The following FCRL4 variants were observed in gnomAD, a reference collection of about 807,000 sequenced individuals.
The protein encoded by FCRL4 is Fc receptor like 4, also known as Fc receptor-like protein 4.
FCRL4 carries 43 observed loss-of-function variants against 64.1 expected under a neutral mutation model. The ratio of observed to expected loss-of-function variants is 0.67; its 90% CI spans 0.53 to 0.87. The LOEUF (loss-of-function observed/expected upper bound fraction) is 0.87. Among genes scored for constraint, FCRL4 ranks in the 40% least tolerant of loss-of-function variants. The pLI, the probability that FCRL4 is intolerant of heterozygous loss-of-function variation, is 0.00. For missense variants in FCRL4, 656 were observed against 613.5 expected (o/e 1.07, Z -0.73); for synonymous variants, 253 against 239.8 (o/e 1.05, Z -0.51).
At chr1:157,585,228 CTCTTTCCTTTCTTTCCTTTCCTT>C (rs1182636147) in intron 6 of FCRL4, among the ~76,000 whole-genome samples, 2 of 140,666 alleles carry the variant, frequency 1.4e-5, no homozygotes, top group African/African-American at 5.0e-5. Flanking sequence ...CCTTTCTTTC[CTCTTTCCTTTCTTTCCTTTCCTT>C]TCTTTCCTTT....
Position 157,589,228 on chromosome 1 carries a change from G to T in FCRL4, c.283C>A (p.Pro95Thr), listed in dbSNP as rs539930670. The part of the protein sequence containing the change: ...CQARGSPRSN[P>T]VRLLFSSDSL... ...CCTGAAGAAAAGAGCAAGCGCACAG[G>T]GTTACTTCGTGGGGAGCCCCGGGCC... The change falls in exon 3 of 12, where the codon CCT becomes ACT. Residue 95 changes from proline (P) to threonine (T), a missense_variant. By Grantham distance (38) the Pro-to-Thr change is conservative. Coordinates refer to ENST00000271532, the MANE Select transcript of FCRL4 (RefSeq NM_031282.3). 49 of 1,613,964 alleles carry T rather than the reference G, an allele frequency of 3.0e-5. No individual in the cohort carries two copies. The highest frequency in any genetic ancestry group is 8.5e-6 in the Non-Finnish European group (10 of 1,180,002).
intron 6 of FCRL4, among the ~76,000 whole-genome samples, chr1:157,583,204 C>T: frequency 1.3e-5 from 2 of 152,176 alleles, no homozygotes; most frequent in East Asian, 3.9e-4. Flanking sequence ...GTGCTTTGAA[C>T]AGTGCCTGCC....
In FCRL4 at chr1:157,596,309, A is replaced by C; in HGVS notation, c.52+19T>G. The C allele has an allele frequency of 6.2e-7, 1 of 1,613,296 alleles. No homozygotes were observed. ...AGGGTATCTAGAGACATAAAGGAGC[A>C]AAGAAAATAAGGACTTACCAGATTG... On this transcript the variant is annotated intron_variant, in intron 2 of 11. Transcript: ENST00000271532.
Position 157,587,373 on chromosome 1 carries a change from G to T in FCRL4, c.750C>A (p.Thr250=), listed in dbSNP as rs775384031. 5.0e-6 allele frequency: 8 copies of T among 1,614,194 alleles called. No individual in the cohort carries two copies. In the Admixed American group the frequency reaches 5.0e-5, roughly 10 times the overall value. ...WSTYPELQLP[T]VWRENSGSYW... ...AGGATCCTGAGTTTTCTCTCCAGAC[G>T]GTTGGGAGCTGGAGTTCCGGGTACG... The change falls in exon 5 of 12, where the codon ACC becomes ACA. Residue 250 remains threonine, a synonymous_variant. Coordinates refer to ENST00000271532, the MANE Select transcript of FCRL4 (RefSeq NM_031282.3).
In FCRL4 at chr1:157,588,016, A is replaced by G. The variant is rs1366532326; in HGVS notation, c.411T>C (p.Thr137=). ...AAATGGAAAGAATGTTTCCATTCCA[A>G]GTATATTTCACAGCAGTCAATTTCT... The part of the protein sequence containing the change: ...RKEKLTAVKY[T]WNGNILSISN... Residue 137 remains threonine, a synonymous_variant, in exon 4 of 12, where the codon ACT becomes ACC. Coordinates refer to ENST00000271532, the MANE Select transcript of FCRL4 (RefSeq NM_031282.3). 1.9e-6 allele frequency: 3 copies of G among 1,613,282 alleles called. No individual in the cohort carries two copies. Among genetic ancestry groups the G allele is most frequent in the Non-Finnish European group, 2.5e-6 (3 of 1,179,586 alleles).
Position 157,575,559 on chromosome 1 carries a change from C to T in FCRL4, c.1513G>A (p.Ala505Thr). 6.2e-7 allele frequency: 1 copy of T among 1,613,926 alleles called. No homozygotes were observed. Among genetic ancestry groups the T allele is most frequent in the Non-Finnish European group, 8.5e-7 (1 of 1,179,886 alleles). The change falls in exon 12 of 12, where the codon GCT becomes ACT. Residue 505 changes from alanine to threonine, a missense_variant. By Grantham distance (58) the Ala-to-Thr change is moderately conservative. Coordinates refer to ENST00000271532, the MANE Select transcript of FCRL4 (RefSeq NM_031282.3). ...EVKTQHPDNS[A>T]GKISSKDEES Reference sequence around the variant, plus strand: ...TCATCCTTAGAGCTGATCTTTCCAGCTGAGTTATCTGGGTGTTGTGTCTTT... The same window carrying T: ...TCATCCTTAGAGCTGATCTTTCCAGTTGAGTTATCTGGGTGTTGTGTCTTT...
At position 157,575,584 on chromosome 1, in the gene FCRL4, T is replaced by C; in HGVS notation, c.1488A>G (p.Val496=). Reference sequence around the variant, plus strand: ...CTGAGTTATCTGGGTGTTGTGTCTTTACCTCAGAGTAGACAACTGAGACAT... The same window carrying C: ...CTGAGTTATCTGGGTGTTGTGTCTTCACCTCAGAGTAGACAACTGAGACAT... ...DKDVSVVYSE[V]KTQHPDNSAG... is the part of the protein sequence containing the mutation. The change falls in exon 12 of 12, where the codon GTA becomes GTG. Residue 496 remains valine, a synonymous_variant. Coordinates refer to ENST00000271532, the MANE Select transcript of FCRL4 (RefSeq NM_031282.3). 6.2e-7 allele frequency: 1 copy of C among 1,613,908 alleles called. No individual in the cohort carries two copies. Among genetic ancestry groups the C allele is most frequent in the South Asian group, 1.1e-5 (1 of 91,066 alleles).
intron 6 of FCRL4, among the ~76,000 whole-genome samples, chr1:157,584,245 C>G (rs374233102): frequency 7.2e-5 from 11 of 152,278 alleles, no homozygotes; most frequent in African/African-American, 2.6e-4. Context: ...TTCGAGGGAG[C>G]CCTTGGCAGC....
chr1:157,590,771 C>G (rs1296240093), intron 2 of FCRL4, among the ~76,000 whole-genome samples: 1 of 152,122 alleles, frequency 6.6e-6, no homozygotes, highest in African/African-American at 2.4e-5. Context: ...CCTGCTTCAG[C>G]CTCCCAAAGT....
At chr1:157,593,017 G>A (rs1460628502) in intron 2 of FCRL4, among the ~76,000 whole-genome samples, 1 of 152,134 alleles carries the variant, frequency 6.6e-6, no homozygotes, top group Non-Finnish European at 1.5e-5. Flanking sequence ...GTTCTCACTT[G>A]TAGGTGGGAA....
intron 5 of FCRL4, among the ~76,000 whole-genome samples, 167 bp downstream of exon 5, chr1:157,587,109 G>A (rs1206603607): frequency 6.6e-6 from 1 of 152,234 alleles, no homozygotes; most frequent in African/African-American, 2.4e-5. Flanking sequence ...GAAAATGGAG[G>A]TAGAAAAGAA....
rs760432716 is a variant in FCRL4 at position 157,587,283 on chromosome 1, A to G, written c.840T>C (p.His280=). 2 of 1,613,660 alleles carry G rather than the reference A, an allele frequency of 1.2e-6. No individual in the cohort carries two copies. The highest frequency in any genetic ancestry group is 4.5e-5 in the East Asian group (2 of 44,880). The change falls in exon 5 of 12, where the codon CAT becomes CAC. Residue 280 remains histidine (H), a synonymous_variant. Transcript: ENST00000271532. ...IHKHSPSLQI[H]VQRIPVSGVL... is the part of the protein sequence containing the mutation. ...TGGCTCTCCAACACTCACGCTGCAC[A>G]TGGATCTGTAGCGAGGGACTGTGCT...
intron 1 of FCRL4, 79 bp downstream of exon 1, chr1:157,597,835 G>C: frequency 9.0e-7 from 1 of 1,115,720 alleles, no homozygotes. Flanking sequence ...ATCCATGATT[G>C]CAGCAGCAGA....
rs1386601138 is a variant in FCRL4, at chr1:157,585,344, C to CTCTCTCTTTCTTTCTT, written c.1135+823_1135+824insAAGAAAGAAAGAGAGA. ...CTTCCTTCTCTCTTTCTTTCTCTCT[C>CTCTCTCTTTCTTTCTT]TCTTTCTTTCTTTCTTTCTTTCTTT... On this transcript the variant is annotated intron_variant, in intron 6 of 11. Transcript: ENST00000271532. 2.0e-3 allele frequency among the ~76,000 whole-genome samples: 159 copies of CTCTCTCTTTCTTTCTT among 81,286 alleles called. 1 individual carries two copies. Among genetic ancestry groups the CTCTCTCTTTCTTTCTT allele is most frequent in the East Asian group, 7.7e-3 (18 of 2,348 alleles). 53.3% of individuals were successfully genotyped at this position (81,286 alleles called of 152,430 possible).
chr1:157,594,882 C>G (rs1652924630), intron 2 of FCRL4, among the ~76,000 whole-genome samples: 1 of 151,948 alleles, frequency 6.6e-6, no homozygotes, highest in African/African-American at 2.4e-5. Flanking sequence ...GGTGAAACAT[C>G]TCTGTGTCTC....
intron 6 of FCRL4, among the ~76,000 whole-genome samples, chr1:157,585,338 CT>C (rs1652651681): frequency 5.6e-5 from 3 of 53,302 alleles, no homozygotes; most frequent in Non-Finnish European, 1.3e-4. Flanking sequence ...CTCTTTCTTT[CT>C]CTCTCTCTTT....
At chr1:157,584,746 C>G (rs1351671260) in intron 6 of FCRL4, among the ~76,000 whole-genome samples, 1 of 152,068 alleles carries the variant, frequency 6.6e-6, no homozygotes, top group Non-Finnish European at 1.5e-5. Context: ...GCATCTGGGC[C>G]ATTCGCATAG....
chr1:157,589,077 A>G, intron 3 of FCRL4, 127 bp downstream of exon 3: 1 of 1,064,368 alleles, frequency 9.4e-7, no homozygotes, highest in Non-Finnish European at 1.4e-6. Context: ...GAGGGAAAAT[A>G]TGAAACTAAA....
Position 157,575,492 on chromosome 1 carries a change from T to A in FCRL4, c.*32A>T. ...GACTTTGGACAAGGGAGAAATCACA[T>A]GAGTAGGACGTTCTCGTAACTTTTC... On this transcript the variant is annotated 3_prime_UTR_variant, in exon 12 of 12. Coordinates refer to ENST00000271532, the MANE Select transcript of FCRL4 (RefSeq NM_031282.3). 6.5e-7 allele frequency: 1 copy of A among 1,542,282 alleles called. No homozygotes were observed. Among genetic ancestry groups the A allele is most frequent in the South Asian group, 1.1e-5 (1 of 88,562 alleles).
Sources: allele counts gnomAD v4.1 joint callset (sites outside exome capture counted in the v4.1 genomes callset), GRCh38; gene constraint gnomAD v4.1.1; transcripts MANE v1.5; gene names NCBI Gene and HGNC (gene_info 2026-07-23, HGNC 2026-07-21).